ATRNL1: variants seen among roughly 807,000 people sequenced by gnomAD.
The protein encoded by ATRNL1 is attractin like 1.
A neutral mutation model predicts 182.7 loss-of-function variants in ATRNL1; 95 were observed. That is an observed-to-expected ratio of 0.52 (90% CI 0.44 to 0.62). The LOEUF (loss-of-function observed/expected upper bound fraction) is 0.62, where lower values mean the gene tolerates loss of function less well. Among genes scored for constraint, ATRNL1 ranks in the 20% least tolerant of loss-of-function variants. The pLI is 0.00. For missense variants in ATRNL1, 1,471 were observed against 1,679.5 expected (o/e 0.88, Z 2.17); for synonymous variants, 576 against 568.3 (o/e 1.01, Z -0.19).
At chr10:115,323,042 C>A (rs978079772) in intron 18 of ATRNL1, among the ~76,000 whole-genome samples, 1 of 151,946 alleles carries the variant, frequency 6.6e-6, no homozygotes, top group Non-Finnish European at 1.5e-5. Context: ...TTTGAGTTTT[C>A]AGAAATGATG....
chr10:115,723,236 G>T (rs1947486337), intron 26 of ATRNL1, among the ~76,000 whole-genome samples: 1 of 152,176 alleles, frequency 6.6e-6, no homozygotes, highest in Admixed American at 6.5e-5. Context: ...GTGGAGGAGA[G>T]AATAGATAGG....
intron 26 of ATRNL1, among the ~76,000 whole-genome samples, chr10:115,602,586 G>A (rs1327798758): frequency 2.6e-5 from 4 of 152,036 alleles, no homozygotes; most frequent in South Asian, 2.1e-4. Flanking sequence ...AATCATGGCC[G>A]GGCGCAGTGG....
At chr10:115,805,514 T>G (rs578046879) in intron 27 of ATRNL1, among the ~76,000 whole-genome samples, 1 of 152,300 alleles carries the variant, frequency 6.6e-6, no homozygotes, top group East Asian at 1.9e-4. Context: ...TTACTACTAT[T>G]TCCATCTGTT....
intron 28 of ATRNL1, among the ~76,000 whole-genome samples, chr10:115,874,706 C>A (rs1951661456): frequency 6.6e-6 from 1 of 152,092 alleles, no homozygotes; most frequent in Non-Finnish European, 1.5e-5. Flanking sequence ...GTGATAGAAA[C>A]CTGGACAGGC....
chr10:115,375,074 G>T (rs377347425), intron 19 of ATRNL1, among the ~76,000 whole-genome samples: 2 of 151,364 alleles, frequency 1.3e-5, no homozygotes, highest in Admixed American at 6.6e-5. Context: ...GAAAGCAAGG[G>T]TATTCAAGTC....
At chr10:115,135,049 G>C (rs1845439906) in intron 5 of ATRNL1, among the ~76,000 whole-genome samples, 1 of 152,056 alleles carries the variant, frequency 6.6e-6, no homozygotes, top group East Asian at 1.9e-4. Flanking sequence ...AATAATAAGA[G>C]GTATTTATGA....
chr10:115,108,638 C>A (rs537265268), intron 1 of ATRNL1, among the ~76,000 whole-genome samples: 14 of 152,272 alleles, frequency 9.2e-5, no homozygotes, highest in African/African-American at 2.9e-4. Context: ...CTGCTCCTTA[C>A]AATACACATG....
At chr10:115,598,974 G>A (rs1176942513) in intron 26 of ATRNL1, among the ~76,000 whole-genome samples, 1 of 152,160 alleles carries the variant, frequency 6.6e-6, no homozygotes, top group African/African-American at 2.4e-5. Flanking sequence ...CTTGAAGTTG[G>A]TTTAAATATT....
intron 19 of ATRNL1, among the ~76,000 whole-genome samples, chr10:115,364,583 T>C (rs1554945311): frequency 6.7e-6 from 1 of 148,856 alleles, no homozygotes; most frequent in African/African-American, 2.5e-5. Flanking sequence ...AGAGAGGGCA[T>C]CCCTGTCTTG....
chr10:115,837,561 C>G (rs1473134155), intron 27 of ATRNL1, among the ~76,000 whole-genome samples: 1 of 145,060 alleles, frequency 6.9e-6, no homozygotes, highest in East Asian at 2.0e-4. Flanking sequence ...CTAAGCATAT[C>G]CATCCATAAA....
At chr10:115,123,517 T>C (rs1306477781) in intron 3 of ATRNL1, among the ~76,000 whole-genome samples, 5 of 152,224 alleles carry the variant, frequency 3.3e-5, no homozygotes, top group African/African-American at 9.6e-5. Context: ...AACATTTAAT[T>C]ACAGAGACTG....
At chr10:115,680,909 G>A (rs1946025220) in intron 26 of ATRNL1, among the ~76,000 whole-genome samples, 1 of 152,096 alleles carries the variant, frequency 6.6e-6, no homozygotes, top group African/African-American at 2.4e-5. Context: ...TTATTAGACT[G>A]AATGATGGGC....
chr10:115,102,593 G>A (rs1347065149), intron 1 of ATRNL1, among the ~76,000 whole-genome samples: 1 of 151,996 alleles, frequency 6.6e-6, no homozygotes, highest in African/African-American at 2.4e-5. Context: ...ACAAGCATGT[G>A]CCACCTCACC....
At chr10:115,851,965 T>C (rs1951067323) in intron 28 of ATRNL1, among the ~76,000 whole-genome samples, 1 of 152,080 alleles carries the variant, frequency 6.6e-6, no homozygotes, top group Non-Finnish European at 1.5e-5. Flanking sequence ...CCCCAAGCGT[T>C]TTAGAGGCAC....
Position 115,334,329 on chromosome 10 carries a change from G to A in ATRNL1, c.3085G>A (p.Glu1029Lys), listed in dbSNP as rs781814300. ...HSTCINNNVC[E>K]QCKNLTTGKQ... ...CACTTGCATCAATAATAATGTGTGCGAACAGTGTAAAAATCTCACCACAGG... is the reference window on the plus strand; with the variant it reads ...CACTTGCATCAATAATAATGTGTGCAAACAGTGTAAAAATCTCACCACAGG... The change falls in exon 19 of 29, where the codon GAA becomes AAA. Residue 1029 changes from glutamate to lysine, a missense_variant. Coordinates refer to ENST00000355044, the MANE Select transcript of ATRNL1 (RefSeq NM_207303.4). 20 of 1,601,378 alleles carry A rather than the reference G, an allele frequency of 1.2e-5. No homozygotes were observed. The highest frequency in any genetic ancestry group is 5.4e-5 in the African/African-American group (4 of 74,718).
chr10:115,414,807 AT>A lies in ATRNL1; in HGVS notation c.3270-11435del, dbSNP rs1196802465. 4.0e-5 allele frequency among the ~76,000 whole-genome samples: 6 copies of A among 151,632 alleles called. No homozygotes were observed. The South Asian group carries it at 6.2e-4, about 16-fold the overall frequency. Reference sequence around the variant, plus strand: ...TTTTAGATACTCTTTTGAGTTTTACATTTTTTTTCTTCTTTATAATACTTCC... The same window carrying A: ...TTTTAGATACTCTTTTGAGTTTTACATTTTTTTCTTCTTTATAATACTTCC... On this transcript the variant is annotated intron_variant, in intron 20 of 28. Coordinates refer to ENST00000355044, the MANE Select transcript of ATRNL1 (RefSeq NM_207303.4).
At chr10:115,154,529 T>C (rs1169163779) in intron 5 of ATRNL1, among the ~76,000 whole-genome samples, 1 of 152,092 alleles carries the variant, frequency 6.6e-6, no homozygotes, top group Non-Finnish European at 1.5e-5. Flanking sequence ...TCTTTGTTGG[T>C]TTAAAGTCTG....
chr10:115,535,635 G>T (rs1410485317), intron 25 of ATRNL1, among the ~76,000 whole-genome samples: 1 of 152,118 alleles, frequency 6.6e-6, no homozygotes, highest in African/African-American at 2.4e-5. Context: ...GTCCAGCTTT[G>T]TTCCGTTGCT....
intron 25 of ATRNL1, among the ~76,000 whole-genome samples, chr10:115,527,994 C>CT (rs1554987126): frequency 0.029 from 707 of 24,056 alleles, 18 homozygotes; most frequent in African/African-American, 0.074. Context: ...CCCTCCCTCC[C>CT]TCCCTTCCTT....
Sources: allele counts gnomAD v4.1 joint callset (sites outside exome capture counted in the v4.1 genomes callset), GRCh38; gene constraint gnomAD v4.1.1; transcripts MANE v1.5; gene names NCBI Gene and HGNC (gene_info 2026-07-23, HGNC 2026-07-21).